ZC2HC1B: variants seen among roughly 807,000 people sequenced by gnomAD.
The protein encoded by ZC2HC1B is zinc finger C2HC-type containing 1B, also known as zinc finger C2HC domain-containing protein 1B.
A neutral mutation model predicts 31.0 loss-of-function variants in ZC2HC1B; 36 were observed. That is an observed-to-expected ratio of 1.16 (90% CI 0.89 to 1.54). The LOEUF (loss-of-function observed/expected upper bound fraction) is 1.54. Ranked by LOEUF, ZC2HC1B falls within the 40% of genes most tolerant of loss-of-function variation. The pLI is 0.00. For missense variants in ZC2HC1B, 260 were observed against 268.6 expected (o/e 0.97, Z 0.22); for synonymous variants, 73 against 88.0 (o/e 0.83, Z 0.95).
chr6:143,922,418 ATTCT>A lies in ZC2HC1B; in HGVS notation c.599-15226_599-15223del, dbSNP rs1165805303. Among the ~76,000 whole-genome samples, 2 of 152,174 alleles carry A rather than the reference ATTCT, an allele frequency of 1.3e-5. No individual in the cohort carries two copies. The highest frequency in any genetic ancestry group is 2.9e-5 in the Non-Finnish European group (2 of 68,026). ...ACTGTGCTATCAAACACTAGAACTT[ATTCT>A]TTCTATCTAACTGTATTTCGTACCT... On this transcript the variant is annotated intron_variant, in intron 6 of 7. Coordinates refer to ENST00000237275, the MANE Select transcript of ZC2HC1B (RefSeq NM_001013623.3). The surrounding 1 kb of genome is among the most constrained non-coding windows in gnomAD (Gnocchi z 5.0).
chr6:143,897,142 G>T (rs545845542), intron 4 of ZC2HC1B, among the ~76,000 whole-genome samples: 1 of 152,034 alleles, frequency 6.6e-6, no homozygotes, highest in Admixed American at 6.6e-5. Context: ...TGCTTAAAAA[G>T]GTGGCTTACA....
intron 1 of ZC2HC1B, among the ~76,000 whole-genome samples, chr6:143,881,357 T>G (rs1437685766): frequency 2.6e-5 from 4 of 151,422 alleles, no homozygotes; most frequent in Non-Finnish European, 5.9e-5. Flanking sequence ...TCGAGACCAG[T>G]CTAAGCAATA....
chr6:143,928,367 G>T (rs1383340086), intron 6 of ZC2HC1B, among the ~76,000 whole-genome samples: 2 of 152,102 alleles, frequency 1.3e-5, no homozygotes, highest in East Asian at 3.8e-4. Flanking sequence ...ATTGAGTAGG[G>T]TGTCCTTTCT....
At position 143,918,650 on chromosome 6, in the gene ZC2HC1B, C is replaced by A. The variant is rs562003021; in HGVS notation, c.598+15498C>A. On this transcript the variant is annotated intron_variant, in intron 6 of 7. Transcript: ENST00000237275. The surrounding 1 kb of genome is among the most constrained non-coding windows in gnomAD (Gnocchi z 4.1). ...AGCCATTATTTCTCTCTGCTCTTTT[C>A]TCTCTCTGCTCCTTCAGGTATTCCC... Among the ~76,000 whole-genome samples the A allele has an allele frequency of 3.9e-5, 6 of 152,202 alleles. No individual in the cohort carries two copies. Among genetic ancestry groups the A allele is most frequent in the Non-Finnish European group, 8.8e-5 (6 of 68,002 alleles).
In ZC2HC1B at chr6:143,923,210, G is replaced by A. The variant is rs1325828151; in HGVS notation, c.599-14439G>A. 6.6e-6 allele frequency among the ~76,000 whole-genome samples: 1 copy of A among 151,392 alleles called. No individual in the cohort carries two copies. Among genetic ancestry groups the A allele is most frequent in the African/African-American group, 2.4e-5 (1 of 41,190 alleles). On this transcript the variant is annotated intron_variant, in intron 6 of 7. Transcript: ENST00000237275. The surrounding 1 kb of genome is among the most constrained non-coding windows in gnomAD (Gnocchi z 4.8). The stretch of plus-strand genomic sequence containing the variant: ...AGAGGTATGTCTTCTTTTGAGAAAT[G>A]CCTACTCAGATCCTTTGCCCACTTT...
At chr6:143,912,904 A>G (rs1777877517) in intron 6 of ZC2HC1B, among the ~76,000 whole-genome samples, 2 of 152,160 alleles carry the variant, frequency 1.3e-5, no homozygotes, top group Admixed American at 6.5e-5. Flanking sequence ...CCCAGGGACA[A>G]CACAGGCCAG....
chr6:143,936,536 A>T (rs1170524649), intron 6 of ZC2HC1B, among the ~76,000 whole-genome samples: 2 of 152,262 alleles, frequency 1.3e-5, no homozygotes, highest in African/African-American at 2.4e-5. Context: ...GAATGAGTGT[A>T]TAGCCTAGTC....
intron 1 of ZC2HC1B, among the ~76,000 whole-genome samples, chr6:143,874,264 T>C (rs1350319775): frequency 1.3e-5 from 2 of 152,184 alleles, no homozygotes; most frequent in Non-Finnish European, 2.9e-5. Context: ...CTGGACCTTA[T>C]TGTTCATATC....
Position 143,903,121 on chromosome 6 carries a change from G to C in ZC2HC1B, c.567G>C (p.Leu189=), listed in dbSNP as rs774148886. 4 of 1,552,106 alleles carry C rather than the reference G, an allele frequency of 2.6e-6. No individual in the cohort carries two copies. Among genetic ancestry groups the C allele is most frequent in the Non-Finnish European group, 3.5e-6 (4 of 1,147,084 alleles). The change falls in exon 6 of 8, where the codon CTG becomes CTC. Residue 189 remains leucine (L), a synonymous_variant. Coordinates refer to ENST00000237275, the MANE Select transcript of ZC2HC1B (RefSeq NM_001013623.3). This position sits in a 1 kb window ranked among gnomAD's most constrained non-coding sequence, Gnocchi z 4.3. ...GAGCTTTGCTGCAGAACAGGGTCCT[G>C]GTGGCCACGAATGAAGTCCCAACCA... ...AVGALLQNRV[L]VATNEVPTKS...
At chr6:143,889,777 G>T (rs1361845605) in intron 4 of ZC2HC1B, among the ~76,000 whole-genome samples, 1 of 152,070 alleles carries the variant, frequency 6.6e-6, no homozygotes, top group African/African-American at 2.4e-5. Flanking sequence ...AATCAGTAAA[G>T]ATATAGAAGA....
At position 143,899,272 on chromosome 6, in the gene ZC2HC1B, G is replaced by A. The variant is rs1290397576; in HGVS notation, c.489+581G>A. 2.0e-5 allele frequency among the ~76,000 whole-genome samples: 3 copies of A among 152,192 alleles called. No homozygotes were observed. Among genetic ancestry groups the A allele is most frequent in the East Asian group, 1.9e-4 (1 of 5,198 alleles). ...AGCCAGCAAACAGCACCATACAGTC[G>A]AAGGTCTCAGGTACATACTTACAAT... On this transcript the variant is annotated intron_variant, in intron 5 of 7. Transcript: ENST00000237275. This position sits in a 1 kb window ranked among gnomAD's most constrained non-coding sequence, Gnocchi z 5.0.
At position 143,915,991 on chromosome 6, in the gene ZC2HC1B, C is replaced by A. The variant is rs1344140697; in HGVS notation, c.598+12839C>A. ...AGGTAATGAGGAGCTGAATGTTAGT[C>A]CCCAAGACAATGAGGAAAATGTCTC... On this transcript the variant is annotated intron_variant, in intron 6 of 7. Coordinates refer to ENST00000237275, the MANE Select transcript of ZC2HC1B (RefSeq NM_001013623.3). The surrounding 1 kb of genome is among the most constrained non-coding windows in gnomAD (Gnocchi z 5.2). Among the ~76,000 whole-genome samples the A allele has an allele frequency of 6.6e-6, 1 of 152,162 alleles. No homozygotes were observed. The highest frequency in any genetic ancestry group is 1.5e-5 in the Non-Finnish European group (1 of 68,032).
Position 143,937,652 on chromosome 6 carries a change from T to G in ZC2HC1B, c.602T>G (p.Leu201Ter). The change falls in exon 7 of 8, where the codon TTA (leucine) becomes TGA (stop). Residue 201 changes from leucine to a stop codon, truncating the protein, a stop_gained. Transcript: ENST00000237275. LOFTEE classifies it high-confidence loss of function. ...AAATCTGTTTATGTTTGCAAAGGATTAGCTATGGACCCTGCTTCTGGAGCA... is the reference window on the plus strand; with the variant it reads ...AAATCTGTTTATGTTTGCAAAGGATGAGCTATGGACCCTGCTTCTGGAGCA... ...ATNEVPTKSG[L>*]AMDPASGAKL... is the part of the protein sequence containing the mutation. The G allele has an allele frequency of 6.5e-7, 1 of 1,547,752 alleles. No individual in the cohort carries two copies. Among genetic ancestry groups the G allele is most frequent in the East Asian group, 2.4e-5 (1 of 40,860 alleles).
chr6:143,885,186 G>T lies in ZC2HC1B; in HGVS notation c.90+821G>T, dbSNP rs556121585. ...AAAAGACTATAAAATGAGGTTGTAGGTTTTATTTTTCTGGAGAATTTAAAA... is the reference window on the plus strand; with the variant it reads ...AAAAGACTATAAAATGAGGTTGTAGTTTTTATTTTTCTGGAGAATTTAAAA... On this transcript the variant is annotated intron_variant, in intron 2 of 7. Coordinates refer to ENST00000237275, the MANE Select transcript of ZC2HC1B (RefSeq NM_001013623.3). This position sits in a 1 kb window ranked among gnomAD's most constrained non-coding sequence, Gnocchi z 4.2. 2.6e-5 allele frequency among the ~76,000 whole-genome samples: 4 copies of T among 152,220 alleles called. No individual in the cohort carries two copies. The highest frequency in any genetic ancestry group is 9.6e-5 in the African/African-American group (4 of 41,534).
intron 1 of ZC2HC1B, among the ~76,000 whole-genome samples, chr6:143,882,647 T>A (rs896791663): frequency 4.6e-5 from 7 of 151,924 alleles, no homozygotes; most frequent in Admixed American, 2.0e-4. Flanking sequence ...AATATAAGTT[T>A]CCCTAAGGAT....
chr6:143,924,474 A>C lies in ZC2HC1B; in HGVS notation c.599-13175A>C, dbSNP rs9484829. ...CTCTATTCCAATTTAGATGACATTT[A>C]TTTATTTCTCTTGCCTGATTGCTCT... is the stretch of plus-strand genomic sequence containing the variant. On this transcript the variant is annotated intron_variant, in intron 6 of 7. Coordinates refer to ENST00000237275, the MANE Select transcript of ZC2HC1B (RefSeq NM_001013623.3). This position sits in a 1 kb window ranked among gnomAD's most constrained non-coding sequence, Gnocchi z 5.2. Among the ~76,000 whole-genome samples the C allele has an allele frequency of 0.1, 15,506 of 151,954 alleles. 798 individuals are homozygous for C. The highest frequency in any genetic ancestry group is 0.13 in the Middle Eastern group (39 of 292).
intron 6 of ZC2HC1B, among the ~76,000 whole-genome samples, chr6:143,920,509 A>G (rs185930348): frequency 2.3e-3 from 346 of 152,316 alleles, no homozygotes; most frequent in African/African-American, 8.0e-3. Context: ...AAGAAAATAG[A>G]CTAGTAGATC....
Position 143,869,882 on chromosome 6 carries a change from G to A in ZC2HC1B, c.28+5315G>A, listed in dbSNP as rs1219914032. ...CACTTTGTTCATGGGCCCATTGGGC[G>A]ACAACAGGGGTGGCTGGGGAAAGAG... On this transcript the variant is annotated intron_variant, in intron 1 of 7. Coordinates refer to ENST00000237275, the MANE Select transcript of ZC2HC1B (RefSeq NM_001013623.3). This position sits in a 1 kb window ranked among gnomAD's most constrained non-coding sequence, Gnocchi z 5.2. 1.3e-5 allele frequency among the ~76,000 whole-genome samples: 2 copies of A among 152,158 alleles called. No individual in the cohort carries two copies. Among genetic ancestry groups the A allele is most frequent in the African/African-American group, 2.4e-5 (1 of 41,438 alleles).
chr6:143,902,963 G>A, intron 5 of ZC2HC1B, 81 bp from the exon 6 acceptor site: 1 of 1,315,008 alleles, frequency 7.6e-7, no homozygotes, highest in Non-Finnish European at 1.1e-6. Flanking sequence ...TGGTTAAGTG[G>A]GAACAGCTGT....
Sources: allele counts gnomAD v4.1 joint callset (sites outside exome capture counted in the v4.1 genomes callset), GRCh38; gene constraint gnomAD v4.1.1; non-coding constraint Gnocchi (gnomAD v3.1); transcripts MANE v1.5; gene names NCBI Gene and HGNC (gene_info 2026-07-23, HGNC 2026-07-21).